The following CCDC150 variants were observed in gnomAD, a reference collection of about 807,000 sequenced individuals.
CCDC150 encodes coiled-coil domain containing 150.
In CCDC150, 151 loss-of-function variants were observed where a neutral mutation model predicts 156.5. That is an observed-to-expected ratio of 0.97 (90% CI 0.85 to 1.10). The LOEUF is 1.10. CCDC150 is among the 50% of genes least tolerant of loss of function. The pLI, the probability that CCDC150 is intolerant of heterozygous loss-of-function variation, is 0.00. For synonymous variants in CCDC150, 452 were observed against 429.4 expected, an observed-to-expected ratio of 1.05 and a Z score of -0.65; for missense variants, 1,312 against 1,268.1, an observed-to-expected ratio of 1.03 and a Z score of -0.53.
At chr2:196,707,789 C>T (rs1161942650) in intron 15 of CCDC150, among the ~76,000 whole-genome samples, 1 of 151,982 alleles carries the variant, frequency 6.6e-6, no homozygotes. Flanking sequence ...TTCAGGAGCA[C>T]CAGGTTGTTC....
chr2:196,672,048 C>T (rs1019371225), intron 8 of CCDC150, among the ~76,000 whole-genome samples: 3 of 152,188 alleles, frequency 2.0e-5, no homozygotes, highest in Non-Finnish European at 2.9e-5. Context: ...TGCTCCACAT[C>T]CTTGACACCA....
At chr2:196,690,823 A>G (rs1386331482) in intron 13 of CCDC150, among the ~76,000 whole-genome samples, 1 of 152,160 alleles carries the variant, frequency 6.6e-6, no homozygotes, top group East Asian at 1.9e-4. Context: ...TCAATTCAGT[A>G]TGATATTGGC....
intron 13 of CCDC150, among the ~76,000 whole-genome samples, chr2:196,693,007 A>G (rs1695589488): frequency 6.6e-6 from 1 of 152,178 alleles, no homozygotes; most frequent in African/African-American, 2.4e-5. Flanking sequence ...CCTGTGTTGG[A>G]TGCATATATA....
chr2:196,730,215 A>G, intron 25 of CCDC150, 97 bp downstream of exon 25: 1 of 1,006,516 alleles, frequency 9.9e-7, no homozygotes. Flanking sequence ...AGTCTACAGA[A>G]GACAACACAC....
intron 13 of CCDC150, among the ~76,000 whole-genome samples, chr2:196,680,020 T>C (rs114723310): frequency 0.017 from 2,560 of 152,274 alleles, 72 homozygotes; most frequent in African/African-American, 0.058. Flanking sequence ...TGTTTGTATA[T>C]ATACAAGTCT....
intron 18 of CCDC150, 113 bp downstream of exon 18, chr2:196,718,744 G>C: frequency 7.6e-7 from 1 of 1,322,524 alleles, no homozygotes; most frequent in Non-Finnish European, 9.9e-7. Flanking sequence ...ATTGATCAGG[G>C]GAGGATTTCT....
Position 196,697,298 on chromosome 2 carries a change from G to GT in CCDC150, c.1623+2139_1623+2140insT, listed in dbSNP as rs779939860. Among the ~76,000 whole-genome samples, 330 of 151,060 alleles carry GT rather than the reference G, an allele frequency of 2.2e-3. 1 individual carries two copies. The highest frequency in any genetic ancestry group is 0.011 in the East Asian group (59 of 5,156). On this transcript the variant is annotated intron_variant, in intron 14 of 27. Transcript: ENST00000389175. ...TTCTTTCATATTTCCTAATTTCAGG[G>GT]GTTTTTTTTGTTGTTGTTGTTTTTT...
chr2:196,729,347 C>T lies in CCDC150; in HGVS notation c.2711C>T (p.Ser904Leu), dbSNP rs1698400878. Residue 904 changes from serine to leucine, a missense_variant, in exon 23 of 28, where the codon TCA (serine) becomes TTA (leucine). Physicochemically the swap from Ser to Leu is moderately radical, Grantham distance 145 (BLOSUM62 -2). Coordinates refer to ENST00000389175, the MANE Select transcript of CCDC150 (RefSeq NM_001080539.2). The stretch of plus-strand genomic sequence containing the variant: ...AAGACCCAAATTAAGCTCCACTTGT[C>T]AGCTAAGGCGAATAATGCTCAGAAT... Reference protein sequence around the residue: ...NQKTQIKLHLSAKANNAQNIE... With the variant: ...NQKTQIKLHLLAKANNAQNIE... 2 of 1,613,656 alleles carry T rather than the reference C, an allele frequency of 1.2e-6. No individual in the cohort carries two copies. The highest frequency in any genetic ancestry group is 2.7e-5 in the African/African-American group (2 of 74,858).
At chr2:196,714,214 A>G (rs1049776983) in intron 17 of CCDC150, among the ~76,000 whole-genome samples, 1 of 152,242 alleles carries the variant, frequency 6.6e-6, no homozygotes, top group Non-Finnish European at 1.5e-5. Context: ...AAAGTAATGA[A>G]GGAAGCAGCG....
intron 9 of CCDC150, among the ~76,000 whole-genome samples, chr2:196,673,078 T>C (rs16856316): frequency 0.091 from 13,870 of 152,192 alleles, 795 homozygotes; most frequent in African/African-American, 0.17. Flanking sequence ...ATAAAAATAA[T>C]GAAGTATAAA....
intron 9 of CCDC150, among the ~76,000 whole-genome samples, chr2:196,672,640 A>G (rs75667136): frequency 0.012 from 1,754 of 152,330 alleles, 31 homozygotes; most frequent in African/African-American, 0.04. Flanking sequence ...CCTATGATAT[A>G]TAAGTATACA....
At chr2:196,719,725 T>A in intron 19 of CCDC150, 59 bp downstream of exon 19, 2 of 1,238,972 alleles carry the variant, frequency 1.6e-6, no homozygotes, top group South Asian at 4.7e-5. Context: ...AGGAGCAGTG[T>A]CAAGTCAATA....
At chr2:196,714,320 T>G (rs1288677229) in intron 17 of CCDC150, among the ~76,000 whole-genome samples, 1 of 152,218 alleles carries the variant, frequency 6.6e-6, no homozygotes, top group Non-Finnish European at 1.5e-5. Context: ...GGCTACCTCT[T>G]ATCTGGATGA....
At chr2:196,685,615 C>CTT (rs898846927) in intron 13 of CCDC150, among the ~76,000 whole-genome samples, 2 of 144,538 alleles carry the variant, frequency 1.4e-5, no homozygotes, top group Admixed American at 6.9e-5. Flanking sequence ...TTTTTCTTTT[C>CTT]TTTTTTTTTT....
chr2:196,708,469 GTCT>G (rs1367042506), intron 15 of CCDC150, among the ~76,000 whole-genome samples: 1 of 152,144 alleles, frequency 6.6e-6, no homozygotes, highest in Non-Finnish European at 1.5e-5. Flanking sequence ...CAATTTGCTA[GTCT>G]GTGTCTTTTA....
chr2:196,712,636 G>C, intron 16 of CCDC150, 41 bp from the exon 17 acceptor site: 1 of 1,481,616 alleles, frequency 6.7e-7, no homozygotes, highest in Non-Finnish European at 9.3e-7. Context: ...TAAAATTTTG[G>C]CAGTTGTGAG....
chr2:196,722,081 A>C (rs985467550), intron 21 of CCDC150, among the ~76,000 whole-genome samples: 3 of 152,232 alleles, frequency 2.0e-5, no homozygotes, highest in African/African-American at 7.2e-5. Flanking sequence ...GAATGACTCC[A>C]TCTAAGCAGA....
intron 5 of CCDC150, 64 bp from the exon 6 acceptor site, chr2:196,665,503 A>T (rs141465191): frequency 1.1e-6 from 1 of 889,592 alleles, no homozygotes; most frequent in East Asian, 2.8e-5. Context: ...TTCTCAGGTA[A>T]CTTTGATCTT....
intron 4 of CCDC150, 68 bp downstream of exon 4, chr2:196,657,204 A>G (rs1693259903): frequency 1.4e-6 from 2 of 1,459,928 alleles, no homozygotes; most frequent in Non-Finnish European, 9.4e-7. Flanking sequence ...TAACAGACCT[A>G]TGACGCGACT....
Sources: gnomAD v4.1 joint callset for allele counts (sites outside exome capture counted in the v4.1 genomes callset) on GRCh38, gnomAD v4.1.1 for gene constraint, MANE v1.5 for transcripts, NCBI Gene and HGNC (gene_info 2026-07-23, HGNC 2026-07-21) for gene names.